RTCA: variants seen among roughly 807,000 people sequenced by gnomAD.
RTCA encodes RNA terminal phosphate cyclase domain 1.
A neutral mutation model predicts 46.1 loss-of-function variants in RTCA; 37 were observed. That is an observed-to-expected ratio of 0.80 (90% CI 0.62 to 1.06). The LOEUF (loss-of-function observed/expected upper bound fraction) is 1.06. Among genes scored for constraint, RTCA ranks in the 50% least tolerant of loss-of-function variants. The pLI is 0.00. For missense variants in RTCA, 435 were observed against 455.5 expected (o/e 0.95, Z 0.41); for synonymous variants, 164 against 158.3 (o/e 1.04, Z -0.27).
intron 7 of RTCA, among the ~76,000 whole-genome samples, chr1:100,276,174 A>C (rs1666364852): frequency 6.6e-6 from 1 of 152,152 alleles, no homozygotes; most frequent in African/African-American, 2.4e-5. Context: ...CTAAAACACC[A>C]GTATGATAAA....
intron 2 of RTCA, 56 bp from the exon 3 acceptor site, chr1:100,268,096 G>T: frequency 6.3e-7 from 1 of 1,582,878 alleles, no homozygotes; most frequent in Non-Finnish European, 8.6e-7. Context: ...GTCATAAAAT[G>T]TGGGGATGTA....
chr1:100,266,310 C>A lies in RTCA; in HGVS notation c.-66C>A, dbSNP rs1665765488. The A allele has an allele frequency of 6.9e-6, 11 of 1,583,122 alleles. No homozygotes were observed. The highest frequency in any genetic ancestry group is 9.4e-6 in the Non-Finnish European group (11 of 1,166,518). The stretch of plus-strand genomic sequence containing the variant: ...TTCTGAACTACTGGGCGGGAGCCAA[C>A]GTCTCTTCTTTCTCCCGCTCTGGCG... On this transcript the variant is annotated 5_prime_UTR_variant, in exon 1 of 11. Coordinates refer to ENST00000370128, the MANE Select transcript of RTCA (RefSeq NM_003729.4).
intron 5 of RTCA, among the ~76,000 whole-genome samples, 157 bp from the exon 6 acceptor site, chr1:100,274,667 T>C (rs1446601400): frequency 6.6e-6 from 1 of 152,250 alleles, no homozygotes; most frequent in Non-Finnish European, 1.5e-5. Flanking sequence ...ATTTTGTTTT[T>C]TAATGTATAA....
At position 100,285,249 on chromosome 1, in the gene RTCA, G is replaced by A. The variant is rs752014393; in HGVS notation, c.821G>A (p.Gly274Glu). 1 of 1,613,524 alleles carries A rather than the reference G, an allele frequency of 6.2e-7. No individual in the cohort carries two copies. Among genetic ancestry groups the A allele is most frequent in the South Asian group, 1.1e-5 (1 of 91,050 alleles). The change falls in exon 9 of 11, where the codon GGA (glycine) becomes GAA (glutamate). Residue 274 changes from glycine (G) to glutamate (E), a missense_variant. Coordinates refer to ENST00000370128, the MANE Select transcript of RTCA (RefSeq NM_003729.4). ...GKRGVNADKV[G>E]IEAAEMLLAN... is the part of the protein sequence containing the mutation. The stretch of plus-strand genomic sequence containing the variant: ...TAAGGTGTAAATGCAGACAAAGTTG[G>A]AATTGAAGCTGCCGAAATGCTATTA...
intron 8 of RTCA, among the ~76,000 whole-genome samples, chr1:100,277,858 A>G (rs1295484113): frequency 7.9e-5 from 12 of 151,738 alleles, no homozygotes; most frequent in Non-Finnish European, 1.3e-4. Context: ...CTTTTAATAC[A>G]CAATCCTCCC....
chr1:100,266,650 G>A (rs1665794808), intron 2 of RTCA, 26 bp downstream of exon 2: 1 of 1,580,918 alleles, frequency 6.3e-7, no homozygotes, highest in South Asian at 1.1e-5. Context: ...GGGGGAGTTG[G>A]GCCGTGAAGC....
intron 8 of RTCA, among the ~76,000 whole-genome samples, chr1:100,280,544 G>A (rs1349145103): frequency 6.6e-6 from 1 of 152,148 alleles, no homozygotes; most frequent in Non-Finnish European, 1.5e-5. Flanking sequence ...ATCCTTCCTT[G>A]GTTCCTATCA....
In RTCA at chr1:100,285,294, G is replaced by C; in HGVS notation, c.866G>C (p.Gly289Ala). The C allele has an allele frequency of 6.2e-7, 1 of 1,613,654 alleles. No individual in the cohort carries two copies. The highest frequency in any genetic ancestry group is 8.5e-7 in the Non-Finnish European group (1 of 1,179,726). The change falls in exon 9 of 11, where the codon GGT becomes GCT. Residue 289 changes from glycine (G) to alanine (A), a missense_variant. By Grantham distance (60) the Gly-to-Ala change is moderately conservative. Coordinates refer to ENST00000370128, the MANE Select transcript of RTCA (RefSeq NM_003729.4). ...EMLLANLRHG[G>A]TVDEYLQDQL... ...CTATTAGCAAATCTTAGACATGGTG[G>C]TACTGTGGATGAGTATCTGCAAGAC...
chr1:100,287,392 AT>A (rs1377269445), intron 10 of RTCA, among the ~76,000 whole-genome samples, 189 bp downstream of exon 10: 2 of 152,218 alleles, frequency 1.3e-5, no homozygotes, highest in African/African-American at 4.8e-5. Flanking sequence ...GTGGCTATTT[AT>A]TATTATTCCC....
intron 7 of RTCA, among the ~76,000 whole-genome samples, chr1:100,276,502 C>T (rs1666389553): frequency 1.3e-5 from 2 of 152,066 alleles, no homozygotes; most frequent in African/African-American, 4.8e-5. Context: ...CATGGTGAAA[C>T]CCTGTCTCTA....
rs1665862089 is a variant in RTCA at position 100,267,641 on chromosome 1, G to C, written c.147-511G>C. ...TGTGTACCTTGCCCCTAGCGTCTCT[G>C]TATGTTCTAGTTTTTTTTTTTTTTA... On this transcript the variant is annotated intron_variant, in intron 2 of 10. Coordinates refer to ENST00000370128, the MANE Select transcript of RTCA (RefSeq NM_003729.4). 9.8e-6 allele frequency: 11 copies of C among 1,125,288 alleles called. 1 individual carries two copies. In the Admixed American group the frequency reaches 4.5e-4, roughly 46 times the overall value. 69.7% of individuals were successfully genotyped at this position (1,125,288 alleles called of 1,614,324 possible).
chr1:100,274,842 G>T lies in RTCA; in HGVS notation c.492G>T (p.Gly164=), dbSNP rs755303064. 6.2e-7 allele frequency: 1 copy of T among 1,611,828 alleles called. No homozygotes were observed. Among genetic ancestry groups the T allele is most frequent in the Non-Finnish European group, 8.5e-7 (1 of 1,178,462 alleles). Reference sequence around the variant, plus strand: ...TTCATAGGGGATATTACCCAAAAGGGGGTGGTGAAGTGATTGTTCGAATGT... The same window carrying T: ...TTCATAGGGGATATTACCCAAAAGGTGGTGGTGAAGTGATTGTTCGAATGT... ...DIKTRGYYPK[G]GGEVIVRMSP... The change falls in exon 6 of 11, where the codon GGG becomes GGT. Residue 164 remains glycine, a synonymous_variant. Coordinates refer to ENST00000370128, the MANE Select transcript of RTCA (RefSeq NM_003729.4).
chr1:100,277,110 T>A, intron 7 of RTCA, 148 bp from the exon 8 acceptor site: 1 of 677,218 alleles, frequency 1.5e-6, no homozygotes, highest in Non-Finnish European at 2.6e-6. Context: ...ATGTTAATCA[T>A]ACCACTCTAT....
chr1:100,273,321 T>C, intron 4 of RTCA, 73 bp from the exon 5 acceptor site: 1 of 1,003,162 alleles, frequency 1.0e-6, no homozygotes, highest in Non-Finnish European at 1.5e-6. Context: ...CAAAGCGCTT[T>C]TGTTTAATAA....
chr1:100,271,166 C>T (rs756766049), intron 4 of RTCA, among the ~76,000 whole-genome samples: 11 of 151,384 alleles, frequency 7.3e-5, no homozygotes, highest in Non-Finnish European at 1.6e-4. Flanking sequence ...GTGTAGGGCC[C>T]GGTGTGGTGG....
intron 8 of RTCA, 104 bp downstream of exon 8, chr1:100,277,420 T>C: frequency 1.0e-6 from 1 of 985,694 alleles, no homozygotes; most frequent in South Asian, 1.7e-5. Context: ...TTTAAAAGGA[T>C]GTAGTTAATT....
At chr1:100,277,214 G>C (rs1483716505) in intron 7 of RTCA, 44 bp from the exon 8 acceptor site, 1 of 1,542,146 alleles carries the variant, frequency 6.5e-7, no homozygotes, top group Non-Finnish European at 9.0e-7. Context: ...CATAAATTTG[G>C]AACATTTATA....
At chr1:100,291,375 T>G (rs1281599847) in intron 10 of RTCA, 28 bp from the exon 11 acceptor site, 2 of 1,454,778 alleles carry the variant, frequency 1.4e-6, no homozygotes, top group Non-Finnish European at 1.9e-6. Context: ...CTCTTCGTAT[T>G]ACTTATATAC....
intron 2 of RTCA, chr1:100,267,650 A>AT: frequency 1.1e-5 from 8 of 752,910 alleles, no homozygotes; most frequent in South Asian, 4.2e-5. Context: ...TGTATGTTCT[A>AT]GTTTTTTTTT....
Sources: allele counts gnomAD v4.1 joint callset (sites outside exome capture counted in the v4.1 genomes callset), GRCh38; gene constraint gnomAD v4.1.1; transcripts MANE v1.5; gene names NCBI Gene and HGNC (gene_info 2026-07-23, HGNC 2026-07-21).